GALNT13: variants seen among roughly 807,000 people sequenced by gnomAD.
GALNT13 encodes UDP-GalNAc:polypeptide N-acetylgalactosaminyltransferase 13.
In GALNT13, 28 loss-of-function variants were observed where a neutral mutation model predicts 64.2. That is an observed-to-expected ratio of 0.44 (90% confidence interval 0.32 to 0.60). The LOEUF (loss-of-function observed/expected upper bound fraction) is 0.60, where lower values mean the gene tolerates loss of function less well. Ranked by LOEUF, GALNT13 falls within the 20% of genes least tolerant of loss-of-function variation. The pLI, the probability that GALNT13 is intolerant of heterozygous loss-of-function variation, is 0.05. For synonymous variants in GALNT13, 214 were observed against 224.6 expected, an observed-to-expected ratio of 0.95 and a Z score of 0.42; for missense variants, 577 against 669.8, an observed-to-expected ratio of 0.86 and a Z score of 1.53.
At chr2:154,322,515 C>G (rs1439176398) in intron 9 of GALNT13, among the ~76,000 whole-genome samples, 1 of 152,038 alleles carries the variant, frequency 6.6e-6, no homozygotes, top group African/African-American at 2.4e-5. Flanking sequence ...CTGTAAACTA[C>G]ATATCAGTGG....
intron 2 of GALNT13, among the ~76,000 whole-genome samples, chr2:153,916,060 G>A (rs1312488185): frequency 1.3e-5 from 2 of 151,918 alleles, no homozygotes; most frequent in African/African-American, 4.8e-5. Flanking sequence ...ATTACATTGA[G>A]GTGATCTGAT....
intron 9 of GALNT13, among the ~76,000 whole-genome samples, chr2:154,322,681 T>C (rs1694689211): frequency 6.6e-6 from 1 of 152,152 alleles, no homozygotes; most frequent in Non-Finnish European, 1.5e-5. Flanking sequence ...TTTGTCTTGG[T>C]TCTAGTTTTC....
chr2:153,961,895 C>T (rs1190631936), intron 3 of GALNT13, among the ~76,000 whole-genome samples: 1 of 152,192 alleles, frequency 6.6e-6, no homozygotes, highest in African/African-American at 2.4e-5. Context: ...ATTTTGTCCA[C>T]TTCTATCTTC....
rs74844073 is a variant in GALNT13, at chr2:154,146,136, G to A, written c.311+5631G>A. On this transcript the variant is annotated intron_variant, in intron 4 of 12. Coordinates refer to ENST00000392825, the MANE Select transcript of GALNT13 (RefSeq NM_052917.4). ...ATATGCACAATGTATGTGTGTGTGT[G>A]TATATATATATATATACACACACAC... 2.8e-4 allele frequency among the ~76,000 whole-genome samples: 41 copies of A among 148,298 alleles called. No homozygotes were observed. In the East Asian group the frequency reaches 3.0e-3, roughly 11 times the overall value.
At chr2:153,202,828 T>TAATTCAA in the GALNT13 span, among the ~76,000 whole-genome samples, 61 of 152,360 alleles carry the variant, frequency 4.0e-4, 1 homozygote, top group Middle Eastern at 0.01. Context: ...TTCTACCAGT[T>TAATTCAA]AATTCAAAAT....
the GALNT13 span, among the ~76,000 whole-genome samples, chr2:153,368,021 G>A: frequency 6.6e-6 from 1 of 151,940 alleles, no homozygotes; most frequent in South Asian, 2.1e-4. Context: ...GATTGTCAGA[G>A]AGAAAAGCAA....
At chr2:153,858,573 T>G in the GALNT13 span, among the ~76,000 whole-genome samples, 1 of 152,268 alleles carries the variant, frequency 6.6e-6, no homozygotes, top group South Asian at 2.1e-4. Flanking sequence ...AGAGATCATA[T>G]TTATATAACT....
intron 3 of GALNT13, among the ~76,000 whole-genome samples, chr2:154,107,679 G>A (rs1702698313): frequency 1.0e-5 from 1 of 96,256 alleles, no homozygotes. Flanking sequence ...TTATCATGAG[G>A]TGCAATAGAT....
the GALNT13 span, among the ~76,000 whole-genome samples, chr2:153,642,243 GTATT>G: frequency 4.6e-5 from 7 of 151,866 alleles, no homozygotes; most frequent in South Asian, 2.1e-4. Flanking sequence ...TTCTTAATAA[GTATT>G]TAACGCTTTT....
the GALNT13 span, among the ~76,000 whole-genome samples, chr2:153,564,293 C>T: frequency 2.0e-5 from 3 of 152,056 alleles, no homozygotes; most frequent in Non-Finnish European, 4.4e-5. Context: ...TACCTGCACT[C>T]TCAATTCTAT....
At chr2:154,068,312 CAA>C (rs1390705877) in intron 3 of GALNT13, among the ~76,000 whole-genome samples, 1 of 151,758 alleles carries the variant, frequency 6.6e-6, no homozygotes, top group African/African-American at 2.4e-5. Context: ...GAAGATTCTT[CAA>C]AATACTAAAA....
chr2:153,214,868 A>G, the GALNT13 span, among the ~76,000 whole-genome samples: 55,849 of 151,966 alleles, frequency 0.37, 10,698 homozygotes, highest in African/African-American at 0.42. Flanking sequence ...TATTGGAGAA[A>G]TCTTGATTTA....
chr2:153,711,948 C>T, the GALNT13 span, among the ~76,000 whole-genome samples: 1 of 152,148 alleles, frequency 6.6e-6, no homozygotes, highest in Non-Finnish European at 1.5e-5. Flanking sequence ...AAGTGATAAT[C>T]AAAGCAGTCT....
chr2:154,021,033 C>G (rs867928349), intron 3 of GALNT13, among the ~76,000 whole-genome samples: 2 of 152,044 alleles, frequency 1.3e-5, no homozygotes, highest in Non-Finnish European at 2.9e-5. Context: ...TTATTTCTGA[C>G]GCCTCTGTTC....
chr2:153,404,644 A>G, the GALNT13 span, among the ~76,000 whole-genome samples: 2 of 152,204 alleles, frequency 1.3e-5, no homozygotes, highest in South Asian at 2.1e-4. Context: ...GGAAGGAACA[A>G]TCAATTTTTT....
At chr2:153,548,189 G>A in the GALNT13 span, among the ~76,000 whole-genome samples, 1 of 152,132 alleles carries the variant, frequency 6.6e-6, no homozygotes, top group Admixed American at 6.5e-5. Flanking sequence ...TAAAATGCAA[G>A]TTCTTATTCA....
the GALNT13 span, among the ~76,000 whole-genome samples, chr2:153,721,947 C>T: frequency 3.3e-5 from 5 of 149,492 alleles, no homozygotes; most frequent in Admixed American, 6.6e-5. Flanking sequence ...CAGCTCTGCA[C>T]CAAGCGGACC....
the GALNT13 span, among the ~76,000 whole-genome samples, chr2:153,608,381 A>G: frequency 6.6e-6 from 1 of 152,102 alleles, no homozygotes; most frequent in East Asian, 1.9e-4. Context: ...AGAAAGCAAT[A>G]AGATTATGTG....
At chr2:154,299,997 G>A (rs1553511777) in intron 8 of GALNT13, among the ~76,000 whole-genome samples, 1 of 150,950 alleles carries the variant, frequency 6.6e-6, no homozygotes, top group Non-Finnish European at 1.5e-5. Context: ...AAAAAAAGTG[G>A]TTGTCTCTTA....
Sources: allele counts gnomAD v4.1 joint callset (sites outside exome capture counted in the v4.1 genomes callset), GRCh38; gene constraint gnomAD v4.1.1; transcripts MANE v1.5; gene names NCBI Gene and HGNC (gene_info 2026-07-23, HGNC 2026-07-21).